Variants in CSMD1 observed in about 807,000 individuals in gnomAD.
CSMD1 encodes CUB and Sushi multiple domains 1.
In CSMD1, 213 loss-of-function variants were observed where a neutral mutation model predicts 417.5. The ratio of observed to expected loss-of-function variants is 0.51; its 90% CI spans 0.46 to 0.57. CSMD1 has a LOEUF of 0.57. CSMD1 is among the 20% of genes least tolerant of loss of function. The pLI is 0.00. For missense variants in CSMD1, 6,923 were observed against 4,529.7 expected (o/e 1.53, Z -15.17); for synonymous variants, 2,862 against 1,736.8 (o/e 1.65, Z -16.11).
chr8:4,313,965 G>A (rs1376925452), intron 3 of CSMD1, among the ~76,000 whole-genome samples: 2 of 151,720 alleles, frequency 1.3e-5, no homozygotes, highest in Admixed American at 6.6e-5. Context: ...AGCGAGCCGA[G>A]ACTGCGCCCC....
intron 3 of CSMD1, among the ~76,000 whole-genome samples, chr8:4,218,413 TTTATA>T (rs1254649808): frequency 6.6e-6 from 1 of 152,218 alleles, no homozygotes; most frequent in African/African-American, 2.4e-5. Flanking sequence ...GAAAATGACC[TTTATA>T]TTATATACCT....
At chr8:4,614,686 A>C (rs1281739106) in intron 2 of CSMD1, among the ~76,000 whole-genome samples, 1 of 152,130 alleles carries the variant, frequency 6.6e-6, no homozygotes, top group Non-Finnish European at 1.5e-5. Flanking sequence ...CACTGGATGC[A>C]CGAATGCACA....
chr8:4,298,766 C>G (rs1405945395), intron 3 of CSMD1, among the ~76,000 whole-genome samples: 1 of 151,888 alleles, frequency 6.6e-6, no homozygotes, highest in East Asian at 1.9e-4. Flanking sequence ...GATATTTGTG[C>G]TTTTGAATAA....
intron 2 of CSMD1, among the ~76,000 whole-genome samples, chr8:4,587,856 G>A (rs1799782261): frequency 2.0e-5 from 3 of 152,238 alleles, no homozygotes; most frequent in South Asian, 4.2e-4. Context: ...AAAAAATTAT[G>A]AAATTTATTG....
At chr8:3,999,420 G>A (rs1010697410) in intron 4 of CSMD1, among the ~76,000 whole-genome samples, 3 of 152,176 alleles carry the variant, frequency 2.0e-5, no homozygotes, top group Admixed American at 6.5e-5. Context: ...CAAGTTGCAA[G>A]TTCCAATATT....
At chr8:4,204,300 T>G (rs905789610) in intron 3 of CSMD1, among the ~76,000 whole-genome samples, 1 of 152,210 alleles carries the variant, frequency 6.6e-6, no homozygotes, top group Admixed American at 6.5e-5. Flanking sequence ...GTTTTTGGTT[T>G]TCTTTCTCAG....
At chr8:4,566,009 C>A (rs556847486) in intron 2 of CSMD1, among the ~76,000 whole-genome samples, 12 of 151,764 alleles carry the variant, frequency 7.9e-5, no homozygotes, top group African/African-American at 2.7e-4. Context: ...TTTATTAATT[C>A]TATTTTACAT....
chr8:4,273,001 G>T (rs145233806), intron 3 of CSMD1, among the ~76,000 whole-genome samples: 1 of 152,068 alleles, frequency 6.6e-6, no homozygotes, highest in East Asian at 1.9e-4. Context: ...AACAGCTATT[G>T]CGTCATGTAC....
chr8:3,466,296 G>C (rs117220510), intron 12 of CSMD1, among the ~76,000 whole-genome samples: 2 of 152,044 alleles, frequency 1.3e-5, no homozygotes, highest in East Asian at 1.9e-4. Flanking sequence ...GTATTCAGGG[G>C]AGTACAGCTC....
chr8:4,851,960 AG>A (rs1563588344), intron 1 of CSMD1, among the ~76,000 whole-genome samples: 6 of 152,244 alleles, frequency 3.9e-5, no homozygotes, highest in African/African-American at 1.4e-4. Flanking sequence ...GTAAACCACT[AG>A]TCTAAGTTTT....
intron 12 of CSMD1, among the ~76,000 whole-genome samples, chr8:3,426,022 T>C (rs1055541435): frequency 2.0e-5 from 3 of 152,162 alleles, no homozygotes; most frequent in Non-Finnish European, 2.9e-5. Context: ...GAAAGAATTA[T>C]TTAAAAAAAA....
chr8:4,187,923 A>G lies in CSMD1; in HGVS notation c.416-155824T>C, dbSNP rs540467026. On this transcript the variant is annotated intron_variant, in intron 3 of 69. Coordinates refer to ENST00000635120, the MANE Select transcript of CSMD1 (RefSeq NM_033225.6). The stretch of plus-strand genomic sequence containing the variant: ...ATATCATGCATTTGTTGTTAATAAA[A>G]TACAAAACAGTCCCTATTACAAGTG... Among the ~76,000 whole-genome samples, 3 of 152,210 alleles carry G rather than the reference A, an allele frequency of 2.0e-5. No homozygotes were observed. In the East Asian group the frequency reaches 5.8e-4, roughly 29 times the overall value.
intron 1 of CSMD1, among the ~76,000 whole-genome samples, chr8:4,781,888 T>C (rs1392459454): frequency 6.6e-6 from 1 of 152,184 alleles, no homozygotes; most frequent in African/African-American, 2.4e-5. Context: ...GAGTGACTTA[T>C]ACCACATACC....
intron 2 of CSMD1, among the ~76,000 whole-genome samples, chr8:4,561,722 GA>G (rs1202289903): frequency 6.6e-6 from 1 of 152,106 alleles, no homozygotes; most frequent in Non-Finnish European, 1.5e-5. Flanking sequence ...GAAAGTAAAA[GA>G]AAAAGAGAAC....
rs189957902 is a variant in CSMD1, at chr8:4,589,384, C to A, written c.302+47958G>T. Among the ~76,000 whole-genome samples the A allele has an allele frequency of 5.6e-4, 86 of 152,246 alleles. 2 individuals carry two copies. Among genetic ancestry groups the A allele is most frequent in the Admixed American group, 5.2e-3 (80 of 15,298 alleles). On this transcript the variant is annotated intron_variant, in intron 2 of 69. Coordinates refer to ENST00000635120, the MANE Select transcript of CSMD1 (RefSeq NM_033225.6). ...TAATATCTCACTCTTCTCAGGGACT[C>A]TGAACCAAAAACCAATGATAGTAAG...
chr8:4,096,256 C>G (rs1801003274), intron 3 of CSMD1, among the ~76,000 whole-genome samples: 1 of 152,026 alleles, frequency 6.6e-6, no homozygotes, highest in African/African-American at 2.4e-5. Context: ...TCCCTGCTAG[C>G]TCTTGATAGC....
intron 5 of CSMD1, among the ~76,000 whole-genome samples, chr8:3,767,927 A>G (rs904376761): frequency 2.6e-5 from 4 of 152,122 alleles, no homozygotes; most frequent in Non-Finnish European, 5.9e-5. Context: ...GCTTTTTTCC[A>G]CTTTACATTA....
intron 12 of CSMD1, among the ~76,000 whole-genome samples, chr8:3,440,322 C>T (rs1814889695): frequency 6.6e-6 from 1 of 152,118 alleles, no homozygotes; most frequent in Non-Finnish European, 1.5e-5. Context: ...TGGTTTCTTT[C>T]AATAGCATTG....
At chr8:4,680,192 G>A (rs1189423732) in intron 1 of CSMD1, among the ~76,000 whole-genome samples, 3 of 152,162 alleles carry the variant, frequency 2.0e-5, no homozygotes, top group Non-Finnish European at 2.9e-5. Flanking sequence ...AATTTCTTCA[G>A]ATCTAATTGT....
Sources: gnomAD v4.1 joint callset for allele counts (sites outside exome capture counted in the v4.1 genomes callset) on GRCh38, gnomAD v4.1.1 for gene constraint, MANE v1.5 for transcripts, NCBI Gene and HGNC (gene_info 2026-07-23, HGNC 2026-07-21) for gene names.